Variants in SEPTIN10 observed in about 807,000 individuals in gnomAD.
The protein encoded by SEPTIN10 is septin-10.
A neutral mutation model predicts 54.8 loss-of-function variants in SEPTIN10; 66 were observed. The observed-to-expected ratio is 1.21, with a 90% CI of 0.99 to 1.48. The LOEUF (loss-of-function observed/expected upper bound fraction) is 1.48, where lower values mean the gene tolerates loss of function less well. Among genes scored for constraint, SEPTIN10 ranks in the 40% most tolerant of loss-of-function variants. The pLI is 0.00. For synonymous variants in SEPTIN10, 161 were observed against 181.0 expected (o/e 0.89, Z 0.89); for missense variants, 620 against 545.6 (o/e 1.14, Z -1.36).
At chr2:109,574,077 T>C (rs1689015997) in intron 5 of SEPTIN10, among the ~76,000 whole-genome samples, 1 of 152,152 alleles carries the variant, frequency 6.6e-6, no homozygotes, top group Non-Finnish European at 1.5e-5. Context: ...ATATTCCTTC[T>C]TTGCATCTCA....
At chr2:109,588,992 G>T (rs1693284835) in intron 2 of SEPTIN10, among the ~76,000 whole-genome samples, 1 of 151,814 alleles carries the variant, frequency 6.6e-6, no homozygotes, top group Non-Finnish European at 1.5e-5. Context: ...TAGAAAATTA[G>T]TTATCAAGAA....
At chr2:109,585,055 G>T in intron 4 of SEPTIN10, 71 bp downstream of exon 4, 1 of 844,238 alleles carries the variant, frequency 1.2e-6, no homozygotes, top group Non-Finnish European at 1.8e-6. Context: ...TCAAATCATA[G>T]TTCATGGGGC....
At position 109,565,771 on chromosome 2, in the gene SEPTIN10, A is replaced by G. The variant is rs753042647; in HGVS notation, c.851T>C (p.Val284Ala). 6.2e-7 allele frequency: 1 copy of G among 1,613,602 alleles called. No individual in the cohort carries two copies. Among genetic ancestry groups the G allele is most frequent in the South Asian group, 1.1e-5 (1 of 91,050 alleles). ...TCCTTTGTCTCATTTACCTTGTACA[A>G]CACCCCAAGGGTACTGGCGAGCTTT... Reference protein sequence around the residue: ...MVKARQYPWGVVQVENENHCD... With the variant: ...MVKARQYPWGAVQVENENHCD... The change falls in exon 7 of 11, where the codon GTT (valine) becomes GCT (alanine). Residue 284 changes from valine (V) to alanine (A), a missense_variant. Physicochemically the swap from Val to Ala is moderately conservative, Grantham distance 64 (BLOSUM62 0). Transcript: ENST00000397712.
intron 10 of SEPTIN10, 140 bp downstream of exon 10, chr2:109,545,910 C>G: frequency 6.9e-7 from 1 of 1,445,294 alleles, no homozygotes. Flanking sequence ...GACAAGGTCT[C>G]TCCTCTCCAG....
chr2:109,568,950 G>C (rs1040796992), intron 5 of SEPTIN10, among the ~76,000 whole-genome samples: 1 of 152,164 alleles, frequency 6.6e-6, no homozygotes, highest in African/African-American at 2.4e-5. Context: ...GAGATTTGGG[G>C]TTGTGAAGAC....
At chr2:109,561,038 T>C (rs920163191) in intron 8 of SEPTIN10, among the ~76,000 whole-genome samples, 18 of 152,096 alleles carry the variant, frequency 1.2e-4, no homozygotes, top group African/African-American at 3.6e-4. Context: ...AAAATGCAAA[T>C]ATTATATTAT....
intron 1 of SEPTIN10, among the ~76,000 whole-genome samples, chr2:109,610,815 A>C (rs1699099843): frequency 6.6e-6 from 1 of 152,240 alleles, no homozygotes; most frequent in South Asian, 2.1e-4. Context: ...ATAAACATTT[A>C]ATGTAATTCC....
At chr2:109,579,417 CTT>C (rs1465027093) in intron 4 of SEPTIN10, among the ~76,000 whole-genome samples, 25 of 145,810 alleles carry the variant, frequency 1.7e-4, no homozygotes, top group Non-Finnish European at 2.7e-4. Context: ...GAGTTTCGCT[CTT>C]GTTGACCAGG....
At position 109,570,673 on chromosome 2, in the gene SEPTIN10, C is replaced by T. The variant is rs1333919569; in HGVS notation, c.601-2697G>A. Among the ~76,000 whole-genome samples, 5 of 151,812 alleles carry T rather than the reference C, an allele frequency of 3.3e-5. No homozygotes were observed. The South Asian group carries it at 1.0e-3, about 32-fold the overall frequency. On this transcript the variant is annotated intron_variant, in intron 5 of 10. Coordinates refer to ENST00000397712, the MANE Select transcript of SEPTIN10 (RefSeq NM_144710.5). ...AGTAGCTGGGATTACAGGTGCCTGC[C>T]ACCATGCCCAGCTAATTTTTTTGTA...
In SEPTIN10 at chr2:109,558,348, T is replaced by C. The variant is rs1440009228; in HGVS notation, c.1029-5129A>G. Among the ~76,000 whole-genome samples, 4 of 152,266 alleles carry C rather than the reference T, an allele frequency of 2.6e-5. No individual in the cohort carries two copies. The East Asian group carries it at 7.7e-4, about 29-fold the overall frequency. ...CAAAGACATGAAGTTTTACTAAAAT[T>C]ACGTCAAATACTTAAACAACTCTAA... On this transcript the variant is annotated intron_variant, in intron 8 of 10. Coordinates refer to ENST00000397712, the MANE Select transcript of SEPTIN10 (RefSeq NM_144710.5).
intron 4 of SEPTIN10, among the ~76,000 whole-genome samples, chr2:109,579,698 T>C (rs1032949024): frequency 7.2e-5 from 11 of 151,882 alleles, no homozygotes; most frequent in Admixed American, 3.3e-4. Flanking sequence ...CTGATTTTCA[T>C]TGGTTAGTTC....
chr2:109,568,119 G>A (rs139017415), intron 5 of SEPTIN10, 143 bp from the exon 6 acceptor site: 269 of 626,340 alleles, frequency 4.3e-4, no homozygotes, highest in African/African-American at 3.9e-3. Context: ...GGTCCATCTC[G>A]CTGTTGATCT....
chr2:109,556,833 T>C (rs1040377687), intron 8 of SEPTIN10, among the ~76,000 whole-genome samples: 6 of 152,220 alleles, frequency 3.9e-5, no homozygotes, highest in Non-Finnish European at 7.3e-5. Context: ...TGGAATGCTA[T>C]GCAGCCATAA....
At chr2:109,580,763 T>G (rs1300915499) in intron 4 of SEPTIN10, among the ~76,000 whole-genome samples, 1 of 152,208 alleles carries the variant, frequency 6.6e-6, no homozygotes, top group Non-Finnish European at 1.5e-5. Context: ...ACAGGCAGTA[T>G]AAAACTGTGA....
At chr2:109,555,726 C>T (rs1420974515) in intron 8 of SEPTIN10, among the ~76,000 whole-genome samples, 3 of 152,170 alleles carry the variant, frequency 2.0e-5, no homozygotes, top group Non-Finnish European at 4.4e-5. Flanking sequence ...CCAATCGTTA[C>T]CTCTTCCTCC....
intron 6 of SEPTIN10, 131 bp downstream of exon 6, chr2:109,567,684 T>C: frequency 1.1e-6 from 1 of 915,900 alleles, no homozygotes; most frequent in Non-Finnish European, 1.6e-6. Context: ...ATACTGGACT[T>C]TTTGAAAATT....
intron 8 of SEPTIN10, among the ~76,000 whole-genome samples, chr2:109,555,126 C>CTA (rs1423431851): frequency 1.3e-5 from 2 of 152,148 alleles, no homozygotes; most frequent in Non-Finnish European, 2.9e-5. Context: ...TTGTCACCCT[C>CTA]TAGATTTTCC....
intron 4 of SEPTIN10, among the ~76,000 whole-genome samples, chr2:109,580,826 C>A (rs1690928391): frequency 6.6e-6 from 1 of 152,224 alleles, no homozygotes; most frequent in South Asian, 2.1e-4. Context: ...CATGTCCCAG[C>A]TTCCTGACTG....
At chr2:109,560,121 C>T (rs924061983) in intron 8 of SEPTIN10, among the ~76,000 whole-genome samples, 2 of 152,026 alleles carry the variant, frequency 1.3e-5, no homozygotes, top group Non-Finnish European at 2.9e-5. Flanking sequence ...GGGGTTTCAC[C>T]GTGTTAGCCA....
Sources: gnomAD v4.1 joint callset for allele counts (sites outside exome capture counted in the v4.1 genomes callset) on GRCh38, gnomAD v4.1.1 for gene constraint, MANE v1.5 for transcripts, NCBI Gene and HGNC (gene_info 2026-07-23, HGNC 2026-07-21) for gene names.